ZNF263: variants seen among roughly 807,000 people sequenced by gnomAD.
The protein encoded by ZNF263 is zinc finger protein FPM315.
A neutral mutation model predicts 63.1 loss-of-function variants in ZNF263; 49 were observed. That is an observed-to-expected ratio of 0.78 (90% CI 0.62 to 0.99). ZNF263 has a LOEUF of 0.99. Among genes scored for constraint, ZNF263 ranks in the 50% least tolerant of loss-of-function variants. The pLI is 0.00. For missense variants in ZNF263, 872 were observed against 854.8 expected, an observed-to-expected ratio of 1.02 and a Z score of -0.25; for synonymous variants, 352 against 324.2, an observed-to-expected ratio of 1.09 and a Z score of -0.92.
intron 4 of ZNF263, 64 bp downstream of exon 4, chr16:3,286,213 C>T: frequency 6.6e-7 from 1 of 1,519,364 alleles, no homozygotes; most frequent in South Asian, 1.4e-5. Flanking sequence ...GCCCGTTATT[C>T]ATTCACCTCC....
At chr16:3,284,589 G>C (rs1377326577) in intron 1 of ZNF263, among the ~76,000 whole-genome samples, 1 of 152,240 alleles carries the variant, frequency 6.6e-6, no homozygotes, top group Non-Finnish European at 1.5e-5. Context: ...AGAGCAGCAT[G>C]TAAAGTTGTG....
At chr16:3,300,351 G>T in intron 2 of ZNF263, 1 of 1,614,188 alleles carries the variant, frequency 6.2e-7, no homozygotes. Flanking sequence ...GTTTCTGTTG[G>T]TACCACATGT....
downstream of ZNF263, among the ~76,000 whole-genome samples, chr16:3,292,336 GC>G (rs1295387219): frequency 3.3e-5 from 5 of 152,188 alleles, no homozygotes; most frequent in Non-Finnish European, 7.3e-5. Flanking sequence ...GGTTGTCTGA[GC>G]CAGTTTTTTA....
chr16:3,299,537 C>A, intron 2 of ZNF263: 1 of 1,527,434 alleles, frequency 6.5e-7, no homozygotes, highest in South Asian at 1.3e-5. Flanking sequence ...TTCTCTTGCT[C>A]ATCATCACTT....
rs76792095 is a variant in ZNF263 at position 3,285,647 on chromosome 16, A to G, written c.569-34A>G. 4.4e-3 allele frequency: 7,084 copies of G among 1,605,754 alleles called. 275 individuals are homozygous for G. The African/African-American group carries it at 0.083, about 19-fold the overall frequency. On this transcript the variant is annotated intron_variant, in intron 2 of 5. Coordinates refer to ENST00000219069, the MANE Select transcript of ZNF263 (RefSeq NM_005741.5). ...ATCCTTGGGTTGCCAAGAGTTAGGA[A>G]TGCCATTCTCATTATAATTTCTGTC... is the stretch of plus-strand genomic sequence containing the variant.
intron 1 of ZNF263, among the ~76,000 whole-genome samples, chr16:3,296,500 A>C (rs1567256711): frequency 6.6e-6 from 1 of 152,192 alleles, no homozygotes; most frequent in Non-Finnish European, 1.5e-5. Flanking sequence ...CCCAGCTTGC[A>C]GTCATTATGG....
chr16:3,293,019 T>G (rs1959653036), downstream of ZNF263: 1 of 152,256 alleles, frequency 6.6e-6, no homozygotes, highest in Non-Finnish European at 1.5e-5. Flanking sequence ...TGACATCTCC[T>G]TCCCTTGTAC....
chr16:3,292,030 C>A (rs1959625198), downstream of ZNF263, among the ~76,000 whole-genome samples: 1 of 152,276 alleles, frequency 6.6e-6, no homozygotes, highest in African/African-American at 2.4e-5. Flanking sequence ...ATCTTGGCCT[C>A]TCAAAGTGCT....
Position 3,283,760 on chromosome 16 carries a change from G to C in ZNF263, c.-59G>C. ...CGCCGTCCAACCTTACATGGGTTCA[G>C]GGCGCCTTCGTAGGCGGGCACGGCT... On this transcript the variant is annotated 5_prime_UTR_variant, in exon 1 of 6. Transcript: ENST00000219069. 1.2e-5 allele frequency: 18 copies of C among 1,494,430 alleles called. No homozygotes were observed. Among genetic ancestry groups the C allele is most frequent in the Non-Finnish European group, 1.6e-5 (18 of 1,128,524 alleles). The allele number at this position is 1,494,430 out of a possible 1,614,324, so 92.6% of individuals were successfully genotyped here.
rs1192784465 is a variant in ZNF263, at chr16:3,289,409, G to A, written c.903G>A (p.Glu301=). 5 of 1,508,896 alleles carry A rather than the reference G, an allele frequency of 3.3e-6. No homozygotes were observed. The highest frequency in any genetic ancestry group is 4.4e-6 in the Non-Finnish European group (5 of 1,129,464). The allele number at this position is 1,508,896 out of a possible 1,614,324, so 93.5% of individuals were successfully genotyped here. The part of the protein sequence containing the change: ...RGPAPGEEKF[E]NLEGVPSVCS... ...CTCTACCAGGAGAAGAGAAATTTGA[G>A]AACCTGGAAGGTGTTCCGTCTGTAT... is the stretch of plus-strand genomic sequence containing the variant. The change falls in exon 6 of 6, where the codon GAG becomes GAA. Residue 301 remains glutamate (E), a synonymous_variant. Transcript: ENST00000219069.
chr16:3,299,930 T>C (rs1412244118), intron 2 of ZNF263: 11 of 1,612,852 alleles, frequency 6.8e-6, no homozygotes, highest in Non-Finnish European at 7.6e-6. Context: ...GATTTTCCAA[T>C]AATGATTGAC....
intron 1 of ZNF263, among the ~76,000 whole-genome samples, 164 bp from the exon 2 acceptor site, chr16:3,284,895 C>G (rs1258774518): frequency 6.6e-6 from 1 of 152,182 alleles, no homozygotes; most frequent in East Asian, 1.9e-4. Context: ...CCTCCCCCTG[C>G]ACATGGGATC....
At chr16:3,288,028 G>A (rs1376716241) in intron 4 of ZNF263, among the ~76,000 whole-genome samples, 1 of 151,742 alleles carries the variant, frequency 6.6e-6, no homozygotes, top group Non-Finnish European at 1.5e-5. Flanking sequence ...GAGGCAGGCA[G>A]ATCACTTGAA....
At position 3,290,505 on chromosome 16, in the gene ZNF263, A is replaced by G; in HGVS notation, c.1999A>G (p.Ser667Gly). 2 of 1,613,940 alleles carry G rather than the reference A, an allele frequency of 1.2e-6. No individual in the cohort carries two copies. The highest frequency in any genetic ancestry group is 1.7e-6 in the Non-Finnish European group (2 of 1,179,950). Residue 667 changes from serine to glycine, a missense_variant, in exon 6 of 6, where the codon AGC (serine) becomes GGC (glycine). Physicochemically the swap from Ser to Gly is moderately conservative, Grantham distance 56. Coordinates refer to ENST00000219069, the MANE Select transcript of ZNF263 (RefSeq NM_005741.5). ...CTATAAATGTTCTGAATGTGGAGAA[A>G]GCTTCTCTCGGAGTTCCCGTCTTAT... ...RPYKCSECGE[S>G]FSRSSRLMSH...
intron 2 of ZNF263, chr16:3,299,915 G>T: frequency 6.2e-7 from 1 of 1,611,886 alleles, no homozygotes; most frequent in Non-Finnish European, 8.5e-7. Context: ...CTTTTGGGCA[G>T]TTTTGATTTT....
intron 2 of ZNF263, chr16:3,299,166 A>G (rs1567258080): frequency 6.4e-7 from 1 of 1,557,740 alleles, no homozygotes; most frequent in East Asian, 2.3e-5. Context: ...GGTAGTCCAA[A>G]CTCTCTCTTA....
intron 4 of ZNF263, chr16:3,287,011 T>G (rs1235642572): frequency 2.0e-5 from 3 of 152,134 alleles, no homozygotes; most frequent in Non-Finnish European, 4.4e-5. Flanking sequence ...GCCCAGTAGG[T>G]CAAGGCTGCA....
intron 1 of ZNF263, chr16:3,298,996 C>G: frequency 7.6e-7 from 1 of 1,322,206 alleles, no homozygotes; most frequent in Non-Finnish European, 9.8e-7. Flanking sequence ...TGAAGGCCCA[C>G]TGAAGGAGTC....
At position 3,291,445 on chromosome 16, in the gene ZNF263, C is replaced by A; in HGVS notation, c.*887C>A. ...AAAATGTTTGGATGGGAATAAATAT[C>A]TTCAGGAAACATAAATGTCTGTGAG... On this transcript the variant is annotated 3_prime_UTR_variant, in exon 6 of 6. Transcript: ENST00000219069. 1 of 985,474 alleles carries A rather than the reference C, an allele frequency of 1.0e-6. No individual in the cohort carries two copies. The highest frequency in any genetic ancestry group is 1.2e-6 in the Non-Finnish European group (1 of 829,940). 61.0% of individuals were successfully genotyped at this position (985,474 alleles called of 1,614,324 possible).
Sources: allele counts gnomAD v4.1 joint callset (sites outside exome capture counted in the v4.1 genomes callset), GRCh38; gene constraint gnomAD v4.1.1; transcripts MANE v1.5; gene names NCBI Gene and HGNC (gene_info 2026-07-23, HGNC 2026-07-21).